Variants in WSB2 observed in about 807,000 individuals in gnomAD.
The protein encoded by WSB2 is WD repeat and SOCS box containing 2, also known as WD repeat and SOCS box-containing protein 2.
WSB2 carries 12 observed loss-of-function variants against 48.8 expected under a neutral mutation model. The observed-to-expected ratio is 0.25, with a 90% confidence interval of 0.16 to 0.40. The LOEUF (loss-of-function observed/expected upper bound fraction) is 0.40, where lower values mean the gene tolerates loss of function less well. Ranked by LOEUF, WSB2 falls within the 10% of genes least tolerant of loss-of-function variation. WSB2 has a pLI of 1.00. For missense variants in WSB2, 317 were observed against 506.2 expected, an observed-to-expected ratio of 0.63 and a Z score of 3.59; for synonymous variants, 191 against 203.1, an observed-to-expected ratio of 0.94 and a Z score of 0.51.
intron 1 of WSB2, among the ~76,000 whole-genome samples, chr12:118,054,424 A>T (rs1275466652): frequency 6.6e-6 from 1 of 151,480 alleles, no homozygotes; most frequent in East Asian, 1.9e-4. Flanking sequence ...TAATCCCAGC[A>T]CTTTGTGAGG....
At chr12:118,052,620 A>G in intron 1 of WSB2, 142 bp from the exon 2 acceptor site, 2 of 1,290,454 alleles carry the variant, frequency 1.5e-6, no homozygotes, top group Non-Finnish European at 1.1e-6. Context: ...ACCCAGGGCA[A>G]TAACAGCAGC....
At chr12:118,052,690 T>C (rs2031877716) in intron 1 of WSB2, 1 of 666,654 alleles carries the variant, frequency 1.5e-6, no homozygotes, top group Non-Finnish European at 2.5e-6. Context: ...TGGTTAACCA[T>C]GACTCACAGT....
upstream of WSB2, chr12:118,062,121 C>T (rs2032083122): frequency 1.3e-6 from 2 of 1,535,208 alleles, no homozygotes; most frequent in Non-Finnish European, 8.7e-7. Flanking sequence ...CCTCGCCTGT[C>T]CCCGTCCCCC....
chr12:118,049,700 G>A (rs1291886877), intron 2 of WSB2, among the ~76,000 whole-genome samples: 2 of 152,090 alleles, frequency 1.3e-5, no homozygotes, highest in African/African-American at 4.8e-5. Context: ...ACCGCGCCCA[G>A]CCCAGAAGAA....
chr12:118,043,043 C>T (rs2031671554), intron 3 of WSB2, 71 bp from the exon 4 acceptor site: 16 of 1,613,432 alleles, frequency 9.9e-6, no homozygotes, highest in African/African-American at 1.3e-5. Context: ...GGCCACACCC[C>T]TTGGCCAACG....
intron 5 of WSB2, among the ~76,000 whole-genome samples, chr12:118,037,535 T>C (rs2031539917): frequency 6.6e-6 from 1 of 151,038 alleles, no homozygotes; most frequent in African/African-American, 2.4e-5. Flanking sequence ...AGGCGTGGTG[T>C]AGCACGCCTA....
chr12:118,048,433 CA>C (rs1040008473), intron 2 of WSB2, among the ~76,000 whole-genome samples: 1 of 151,628 alleles, frequency 6.6e-6, no homozygotes, highest in Non-Finnish European at 1.5e-5. Flanking sequence ...TCTAAAAATA[CA>C]AAAAAATTAG....
rs1464890283 is a variant in WSB2, at chr12:118,060,830, G to C, written c.13+206C>G. Among the ~76,000 whole-genome samples, 1 of 151,858 alleles carries C rather than the reference G, an allele frequency of 6.6e-6. No individual in the cohort carries two copies. Among genetic ancestry groups the C allele is most frequent in the Non-Finnish European group, 1.5e-5 (1 of 67,890 alleles). On this transcript the variant is annotated intron_variant, in intron 1 of 8. Transcript: ENST00000315436. This position sits in a 1 kb window ranked among gnomAD's most constrained non-coding sequence, Gnocchi z 4.1. ...TGTCGCCGGCGGGAGTCAGGGTGGC[G>C]GCCACTGACAACGAAAGTGAAACAA... is the stretch of plus-strand genomic sequence containing the variant.
intron 2 of WSB2, among the ~76,000 whole-genome samples, chr12:118,050,286 T>C (rs1327406889): frequency 1.3e-5 from 2 of 152,140 alleles, no homozygotes; most frequent in Admixed American, 1.3e-4. Flanking sequence ...TGCTGGGCCA[T>C]CTGAATGGGA....
intron 6 of WSB2, 89 bp from the exon 7 acceptor site, chr12:118,035,413 C>G: frequency 1.7e-6 from 2 of 1,183,430 alleles, no homozygotes; most frequent in South Asian, 2.6e-5. Flanking sequence ...CCAAACTGCC[C>G]TGGCTACAAA....
At chr12:118,043,919 C>G (rs908087565) in intron 2 of WSB2, among the ~76,000 whole-genome samples, 1 of 151,846 alleles carries the variant, frequency 6.6e-6, no homozygotes, top group African/African-American at 2.4e-5. Flanking sequence ...GAATTCGAGA[C>G]CAGCCTGGCC....
At chr12:118,044,307 C>T (rs2031702672) in intron 2 of WSB2, among the ~76,000 whole-genome samples, 1 of 152,088 alleles carries the variant, frequency 6.6e-6, no homozygotes, top group Non-Finnish European at 1.5e-5. Flanking sequence ...CTCAGTTTTT[C>T]CCATGAGTAA....
chr12:118,052,764 G>A (rs890246220), intron 1 of WSB2, among the ~76,000 whole-genome samples: 1 of 152,178 alleles, frequency 6.6e-6, no homozygotes, highest in African/African-American at 2.4e-5. Context: ...TTGAAGGGGA[G>A]GAAAGTGGAG....
In WSB2 at chr12:118,036,349, C is replaced by CA. The variant is rs1386596735; in HGVS notation, c.821dup (p.Arg275GlufsTer9). 2.5e-6 allele frequency: 4 copies of CA among 1,613,908 alleles called. No homozygotes were observed. Among genetic ancestry groups the CA allele is most frequent in the African/African-American group, 2.7e-5 (2 of 74,934 alleles). On this transcript the variant is annotated frameshift_variant, in exon 6 of 9. Coordinates refer to ENST00000315436, the MANE Select transcript of WSB2 (RefSeq NM_018639.5). LOFTEE classifies it high-confidence loss of function. Reference sequence around the variant, plus strand: ...GATTCAGTCCTTACTGGAGTGACCTCAGCCTTTCGCCGGTGTAGGGGTCCC... The same window carrying CA: ...GATTCAGTCCTTACTGGAGTGACCTCAAGCCTTTCGCCGGTGTAGGGGTCCC...
chr12:118,036,397 A>G lies in WSB2; in HGVS notation c.774T>C (p.Ser258=), dbSNP rs1456173099. 6.2e-7 allele frequency: 1 copy of G among 1,614,124 alleles called. No homozygotes were observed. Among genetic ancestry groups the G allele is most frequent in the Non-Finnish European group, 8.5e-7 (1 of 1,180,056 alleles). ...SPDSALLVTA[S]YDTNVIMWDP... Reference sequence around the variant, plus strand: ...CCCACATAATCACATTGGTATCGTAAGAAGCCGTGACAAGCAGGGCAGAGT... The same window carrying G: ...CCCACATAATCACATTGGTATCGTAGGAAGCCGTGACAAGCAGGGCAGAGT... The change falls in exon 6 of 9, where the codon TCT becomes TCC. Residue 258 remains serine, a synonymous_variant. Coordinates refer to ENST00000315436, the MANE Select transcript of WSB2 (RefSeq NM_018639.5).
In WSB2 at chr12:118,052,307, T is replaced by A. The variant is rs191754911; in HGVS notation, c.182+3A>T. ...GATGGGGCCCCAGTACGAGAATACT[T>A]ACAACTGCTCCTCCAACGGCCAGGG... On this transcript the variant is annotated splice_donor_region_variant and intron_variant, in intron 2 of 8. Coordinates refer to ENST00000315436, the MANE Select transcript of WSB2 (RefSeq NM_018639.5). 3.0e-4 allele frequency: 484 copies of A among 1,613,598 alleles called. 2 individuals carry two copies. The highest frequency in any genetic ancestry group is 2.1e-4 in the Non-Finnish European group (243 of 1,179,586).
At chr12:118,047,260 C>G (rs2031763248) in intron 2 of WSB2, among the ~76,000 whole-genome samples, 1 of 152,090 alleles carries the variant, frequency 6.6e-6, no homozygotes, top group Admixed American at 6.6e-5. Context: ...GAACTAAGGT[C>G]TTAGGTATCC....
intron 1 of WSB2, among the ~76,000 whole-genome samples, chr12:118,056,352 C>A (rs1175399358): frequency 1.3e-5 from 2 of 152,172 alleles, no homozygotes; most frequent in African/African-American, 4.8e-5. Flanking sequence ...TTATTCAGGT[C>A]TGGCTCAAAT....
rs768371445 is a variant in WSB2, at chr12:118,035,018, T to C, written c.1020A>G (p.Thr340=). 1 of 1,614,030 alleles carries C rather than the reference T, an allele frequency of 6.2e-7. No homozygotes were observed. Among genetic ancestry groups the C allele is most frequent in the Non-Finnish European group, 8.5e-7 (1 of 1,180,014 alleles). The change falls in exon 8 of 9, where the codon ACA becomes ACG. Residue 340 remains threonine, a synonymous_variant. Transcript: ENST00000315436. ...FAPMTNGLCC[T]FFPHGGVIAT... is the part of the protein sequence containing the mutation. ...CAATGACTCCACCATGTGGAAAAAA[T>C]GTGCAGCAAAGCCCATTGGTCATAG...
Sources: allele counts gnomAD v4.1 joint callset (sites outside exome capture counted in the v4.1 genomes callset), GRCh38; gene constraint gnomAD v4.1.1; non-coding constraint Gnocchi (gnomAD v3.1); transcripts MANE v1.5; gene names NCBI Gene and HGNC (gene_info 2026-07-23, HGNC 2026-07-21).